Variants in RGS22 observed in about 807,000 individuals in gnomAD.
RGS22 encodes the protein regulator of G protein signaling 22.
In RGS22, 148 loss-of-function variants were observed where a neutral mutation model predicts 172.9. The observed-to-expected ratio is 0.86, with a 90% CI of 0.75 to 0.98. The LOEUF (loss-of-function observed/expected upper bound fraction) is 0.98, where lower values mean the gene tolerates loss of function less well. Ranked by LOEUF, RGS22 falls within the 50% of genes least tolerant of loss-of-function variation. RGS22 has a pLI of 0.00. For synonymous variants in RGS22, 458 were observed against 480.2 expected (o/e 0.95, Z 0.60); for missense variants, 1,347 against 1,440.8 (o/e 0.93, Z 1.05).
chr8:99,973,964 C>T (rs747152949), intron 23 of RGS22, among the ~76,000 whole-genome samples: 4 of 151,608 alleles, frequency 2.6e-5, no homozygotes, highest in South Asian at 2.1e-4. Context: ...GTAACAAACC[C>T]GCACGTTACG....
intron 27 of RGS22, 103 bp downstream of exon 27, chr8:99,962,289 ATG>A (rs1810284892): frequency 1.4e-6 from 1 of 709,030 alleles, no homozygotes; most frequent in Non-Finnish European, 2.5e-6. Context: ...TTAGTGGGAC[ATG>A]TTATATGTGT....
chr8:100,019,890 T>G, intron 14 of RGS22, among the ~76,000 whole-genome samples: 1 of 144,974 alleles, frequency 6.9e-6, no homozygotes, highest in African/African-American at 2.5e-5. Context: ...AAAAAGTACT[T>G]TTTTTTTTTT....
At chr8:100,069,762 G>A (rs986461676) in intron 6 of RGS22, among the ~76,000 whole-genome samples, 7 of 152,106 alleles carry the variant, frequency 4.6e-5, no homozygotes, top group South Asian at 2.1e-4. Flanking sequence ...TGTCTCTTCA[G>A]ACACGAGGAT....
chr8:99,977,979 T>C lies in RGS22; in HGVS notation c.3457A>G (p.Arg1153Gly), dbSNP rs373734884. ...DENIMSVLER[R>G]QEYNKQKKKL... ...TTTTTCTGCTTATTATATTCTTGTC[T>C]TCTCTCTAAAACACTCATAATATTT... The change falls in exon 23 of 28, where the codon AGA becomes GGA. Residue 1153 changes from arginine to glycine, a missense_variant. Arg to Gly is a moderately radical substitution (Grantham distance 125, BLOSUM62 -2). Coordinates refer to ENST00000360863, the MANE Select transcript of RGS22 (RefSeq NM_015668.5). 12 of 1,557,954 alleles carry C rather than the reference T, an allele frequency of 7.7e-6. No homozygotes were observed. The African/African-American group carries it at 1.4e-4, about 18-fold the overall frequency.
At chr8:99,962,339 T>G in intron 27 of RGS22, 55 bp downstream of exon 27, 11 of 1,089,684 alleles carry the variant, frequency 1.0e-5, no homozygotes, top group Non-Finnish European at 1.4e-5. Context: ...TGTACATGAA[T>G]GAGTGTATTA....
chr8:100,105,966 G>A lies in RGS22; in HGVS notation c.-45C>T. On this transcript the variant is annotated 5_prime_UTR_variant, in exon 1 of 28. Transcript: ENST00000360863. ...CCTGGAGCCCGCGCGGGCCGTCAGG[G>A]CCCTAGCGCGCGGGTCCAGCGCGGG... 5.0e-6 allele frequency: 7 copies of A among 1,386,418 alleles called. No individual in the cohort carries two copies. The highest frequency in any genetic ancestry group is 6.5e-6 in the Non-Finnish European group (7 of 1,076,456). 85.9% of individuals were successfully genotyped at this position (1,386,418 alleles called of 1,614,324 possible).
At chr8:100,102,427 A>G (rs1813570186) in intron 2 of RGS22, among the ~76,000 whole-genome samples, 1 of 152,206 alleles carries the variant, frequency 6.6e-6, no homozygotes, top group South Asian at 2.1e-4. Flanking sequence ...ATTTTTCCTA[A>G]GAATACGTAA....
At chr8:100,032,385 G>T (rs1402756441) in intron 14 of RGS22, among the ~76,000 whole-genome samples, 1 of 152,108 alleles carries the variant, frequency 6.6e-6, no homozygotes, top group Admixed American at 6.6e-5. Flanking sequence ...TGATAAAACA[G>T]ACTTTAAACC....
chr8:100,086,579 A>G lies in RGS22; in HGVS notation c.118-6224T>C, dbSNP rs532688284. Among the ~76,000 whole-genome samples, 4 of 152,158 alleles carry G rather than the reference A, an allele frequency of 2.6e-5. No homozygotes were observed. In the South Asian group the frequency reaches 8.3e-4, roughly 32 times the overall value. ...CTAGATGGGAGAGGGAAGGATGGAG[A>G]TAAGGGCTGAAAAACTACTGGGTAC... On this transcript the variant is annotated intron_variant, in intron 3 of 27. Transcript: ENST00000360863.
intron 21 of RGS22, among the ~76,000 whole-genome samples, chr8:99,984,786 C>T (rs73274951): frequency 0.16 from 22,759 of 146,530 alleles, 2,497 homozygotes; most frequent in African/African-American, 0.33. Context: ...CCAGTCTTTA[C>T]GGACACACAC....
rs1377365542 is a variant in RGS22 at position 99,989,909 on chromosome 8, G to GAT, written c.3019-2292_3019-2291dup. Among the ~76,000 whole-genome samples, 297 of 125,306 alleles carry GAT rather than the reference G, an allele frequency of 2.4e-3. 2 individuals are homozygous for GAT. Among genetic ancestry groups the GAT allele is most frequent in the South Asian group, 0.01 (39 of 3,890 alleles). 82.2% of individuals were successfully genotyped at this position (125,306 alleles called of 152,430 possible). A position where few individuals can be genotyped will look rare whatever the true frequency, so the allele number is the denominator to read the frequency against. ...ATAGATAGATAGATAGATAGATATA[G>GAT]ATAGATAGATAGACAGATAGACAGA... On this transcript the variant is annotated intron_variant, in intron 20 of 27. Transcript: ENST00000360863.
Position 99,965,397 on chromosome 8 carries a change from G to A in RGS22, c.3553C>T (p.Pro1185Ser), listed in dbSNP as rs778589102. The A allele has an allele frequency of 1.9e-6, 3 of 1,613,028 alleles. No individual in the cohort carries two copies. The highest frequency in any genetic ancestry group is 2.5e-6 in the Non-Finnish European group (3 of 1,179,312). ...GIKQYANTSV[P>S]AIKTALLSDS... ...CTGAGTAAAGCAGTTTTGATAGCAG[G>A]CACTGAAGTATTTGCATATTGTTTG... The change falls in exon 24 of 28, where the codon CCT becomes TCT. Residue 1185 changes from proline to serine, a missense_variant. Coordinates refer to ENST00000360863, the MANE Select transcript of RGS22 (RefSeq NM_015668.5).
chr8:100,066,849 T>G (rs1810568357), intron 6 of RGS22, among the ~76,000 whole-genome samples: 1 of 152,216 alleles, frequency 6.6e-6, no homozygotes, highest in Non-Finnish European at 1.5e-5. Flanking sequence ...GAATGCTTCT[T>G]GCAGACTGAT....
Position 99,999,264 on chromosome 8 carries a change from T to G in RGS22, c.2947A>C (p.Lys983Gln), listed in dbSNP as rs752448485. Residue 983 changes from lysine (K) to glutamine (Q), a missense_variant and splice_region_variant, in exon 19 of 28, where the codon AAG becomes CAG. Lys to Gln is a moderately conservative substitution (Grantham distance 53). Transcript: ENST00000360863. ...SEQFAARQKI[K>Q]VQMKDIAEEL... ...AAAGATTATACTAATTTATATACCT[T>G]TATCTTCTGACGTGCTGCAAACTGT... 4.8e-5 allele frequency: 77 copies of G among 1,613,222 alleles called. No homozygotes were observed. The highest frequency in any genetic ancestry group is 6.2e-5 in the Non-Finnish European group (73 of 1,179,768).
chr8:99,965,531 A>G (rs1810642193), intron 23 of RGS22, 101 bp from the exon 24 acceptor site: 4 of 822,068 alleles, frequency 4.9e-6, no homozygotes, highest in Non-Finnish European at 7.8e-6. Flanking sequence ...ATAATATTTC[A>G]TAGTGAGTGC....
chr8:100,025,038 G>C (rs905264617), intron 14 of RGS22, among the ~76,000 whole-genome samples: 2 of 118,430 alleles, frequency 1.7e-5, no homozygotes, highest in Non-Finnish European at 3.7e-5. Context: ...ATAAATAAAT[G>C]AGGATCTTTG....
intron 27 of RGS22, among the ~76,000 whole-genome samples, chr8:99,961,914 G>T (rs889616281): frequency 9.9e-5 from 15 of 152,118 alleles, no homozygotes; most frequent in Non-Finnish European, 1.8e-4. Flanking sequence ...CTTTTAACTG[G>T]GTTCTTCAAG....
Position 100,006,099 on chromosome 8 carries a change from A to G in RGS22, c.2372T>C (p.Val791Ala). The G allele has an allele frequency of 6.2e-7, 1 of 1,611,976 alleles. No individual in the cohort carries two copies. The highest frequency in any genetic ancestry group is 8.5e-7 in the Non-Finnish European group (1 of 1,178,820). The change falls in exon 16 of 28, where the codon GTG becomes GCG. Residue 791 changes from valine (V) to alanine (A), a missense_variant. Physicochemically the swap from Val to Ala is moderately conservative, Grantham distance 64. Coordinates refer to ENST00000360863, the MANE Select transcript of RGS22 (RefSeq NM_015668.5). ...GGAGTCTAACTGTCGAGTTTCTTCC[A>G]CCAGCTCCACCTAAAAAAAATAAAT... is the stretch of plus-strand genomic sequence containing the variant. ...DQIAYKKVEL[V>A]EETRQLDSTY...
chr8:100,077,166 CTAAAAGGTTA>C (rs1232561110), intron 4 of RGS22, among the ~76,000 whole-genome samples: 1 of 151,880 alleles, frequency 6.6e-6, no homozygotes, highest in Non-Finnish European at 1.5e-5. Flanking sequence ...ATCATTCTGG[CTAAAAGGTTA>C]TCAATTTCAT....
Sources: allele counts gnomAD v4.1 joint callset (sites outside exome capture counted in the v4.1 genomes callset), GRCh38; gene constraint gnomAD v4.1.1; transcripts MANE v1.5; gene names NCBI Gene and HGNC (gene_info 2026-07-23, HGNC 2026-07-21).